Variants in PPFIA4 observed in about 807,000 individuals in gnomAD.
PPFIA4 encodes the protein liprin-alpha-4.
PPFIA4 carries 98 observed loss-of-function variants against 145.7 expected under a neutral mutation model. That is an observed-to-expected ratio of 0.67 (90% confidence interval 0.57 to 0.80). The LOEUF (loss-of-function observed/expected upper bound fraction) is 0.80, where lower values mean the gene tolerates loss of function less well. Ranked by LOEUF, PPFIA4 falls within the 30% of genes least tolerant of loss-of-function variation. PPFIA4 has a pLI of 0.00. For synonymous variants in PPFIA4, 628 were observed against 649.6 expected (o/e 0.97, Z 0.51); for missense variants, 1,457 against 1,632.7 (o/e 0.89, Z 1.85).
chr1:203,052,127 G>GAA (rs779128794), intron 14 of PPFIA4, among the ~76,000 whole-genome samples: 7 of 144,394 alleles, frequency 4.8e-5, no homozygotes, highest in Non-Finnish European at 9.1e-5. Flanking sequence ...AGGCCCCACT[G>GAA]AAGTGTGTGT....
chr1:203,041,620 G>A (rs569085765), intron 2 of PPFIA4, among the ~76,000 whole-genome samples: 2 of 152,162 alleles, frequency 1.3e-5, no homozygotes, highest in African/African-American at 4.8e-5. Context: ...TGCTTTGGGA[G>A]ATTTGTAGAC....
At position 203,068,049 on chromosome 1, in the gene PPFIA4, G is replaced by A. The variant is rs1447352053; in HGVS notation, c.3148+257G>A. 6.6e-6 allele frequency among the ~76,000 whole-genome samples: 1 copy of A among 152,198 alleles called. No homozygotes were observed. Among genetic ancestry groups the A allele is most frequent in the Non-Finnish European group, 1.5e-5 (1 of 68,048 alleles). On this transcript the variant is annotated intron_variant, in intron 26 of 29. Transcript: ENST00000295706. This position sits in a 1 kb window ranked among gnomAD's most constrained non-coding sequence, Gnocchi z 4.7. ...ACAAATGCAGTGAATCCTCTGGGAC[G>A]GTGTTATAGACTGGTGTGCCTGTGG...
Position 203,048,234 on chromosome 1 carries a change from A to C in PPFIA4, c.1148A>C (p.Glu383Ala). 1 of 1,612,778 alleles carries C rather than the reference A, an allele frequency of 6.2e-7. No individual in the cohort carries two copies. Among genetic ancestry groups the C allele is most frequent in the Non-Finnish European group, 8.5e-7 (1 of 1,179,846 alleles). ...ACCCATCCCTGCCCCTAGGCTGAAG[A>C]ACGGCATGGCAACATTGAGGAGCAC... ...QRIAALTKAE[E>A]RHGNIEEHLR... is the part of the protein sequence containing the mutation. The change falls in exon 10 of 30, where the codon GAA becomes GCA. Residue 383 changes from glutamate (E) to alanine (A), a missense_variant. By Grantham distance (107) the Glu-to-Ala change is moderately radical (BLOSUM62 -1). Around this residue, in one of 3 missense-constraint regions of PPFIA4, gnomAD observed 848 missense variants for 1,046.7 expected, o/e 0.81. Transcript: ENST00000295706. The surrounding 1 kb of genome is among the most constrained non-coding windows in gnomAD (Gnocchi z 5.8).
Position 203,075,280 on chromosome 1 carries a change from G to A in PPFIA4, c.3394-297G>A, listed in dbSNP as rs182908627. On this transcript the variant is annotated intron_variant, in intron 28 of 29. Coordinates refer to ENST00000295706, the MANE Select transcript of PPFIA4 (RefSeq NM_001304331.2). The surrounding 1 kb of genome is among the most constrained non-coding windows in gnomAD (Gnocchi z 4.1). ...GCCAAGCCTACTTTGAGAAGATTGC[G>A]GTGGGCTGGGAAACAGTTCAACTGC... Among the ~76,000 whole-genome samples, 730 of 152,134 alleles carry A rather than the reference G, an allele frequency of 4.8e-3. 6 individuals are homozygous for A. Among genetic ancestry groups the A allele is most frequent in the Non-Finnish European group, 6.4e-3 (434 of 67,986 alleles).
At chr1:203,029,366 T>G (rs1318640385) in intron 1 of PPFIA4, among the ~76,000 whole-genome samples, 1 of 152,108 alleles carries the variant, frequency 6.6e-6, no homozygotes, top group Non-Finnish European at 1.5e-5. Context: ...TCTGAGAGAG[T>G]TGGAGGAGAA....
intron 27 of PPFIA4, among the ~76,000 whole-genome samples, chr1:203,070,475 G>A (rs115469850): frequency 0.012 from 1,814 of 151,790 alleles, 29 homozygotes; most frequent in African/African-American, 0.041. Flanking sequence ...CCAATTACTC[G>A]GGAGGCTGAG....
chr1:203,059,401 C>G, intron 20 of PPFIA4, 130 bp downstream of exon 20: 1 of 812,406 alleles, frequency 1.2e-6, no homozygotes, highest in Non-Finnish European at 2.0e-6. Context: ...CTGAGTTGGT[C>G]TGGTCCATGT....
In PPFIA4 at chr1:203,048,870, G is replaced by A. The variant is rs1415713291; in HGVS notation, c.1357-48G>A. On this transcript the variant is annotated intron_variant, in intron 11 of 29. Coordinates refer to ENST00000295706, the MANE Select transcript of PPFIA4 (RefSeq NM_001304331.2). The surrounding 1 kb of genome is among the most constrained non-coding windows in gnomAD (Gnocchi z 5.8). The stretch of plus-strand genomic sequence containing the variant: ...CTGCACACCCAGAGGCTCAGGTCTG[G>A]AATGGGAGAGGAAGGCAGGGGCCTG... The A allele has an allele frequency of 3.9e-6, 6 of 1,544,016 alleles. No homozygotes were observed. The highest frequency in any genetic ancestry group is 5.2e-6 in the Non-Finnish European group (6 of 1,143,892).
Position 203,060,858 on chromosome 1 carries a change from C to A in PPFIA4, c.2785-112C>A. On this transcript the variant is annotated intron_variant, in intron 22 of 29. Transcript: ENST00000295706. This position sits in a 1 kb window ranked among gnomAD's most constrained non-coding sequence, Gnocchi z 4.8. ...CATCTCCATGATTGAGACCAGCCCC[C>A]ATTTCAGAGGACTCAGGGAGGGAGC... 1 of 915,338 alleles carries A rather than the reference C, an allele frequency of 1.1e-6. No individual in the cohort carries two copies. The highest frequency in any genetic ancestry group is 1.8e-6 in the Non-Finnish European group (1 of 564,914). 56.7% of individuals were successfully genotyped at this position (915,338 alleles called of 1,614,324 possible).
chr1:203,054,121 G>A (rs917962874), intron 15 of PPFIA4, 160 bp downstream of exon 15: 7 of 813,212 alleles, frequency 8.6e-6, no homozygotes, highest in Admixed American at 6.0e-5. Flanking sequence ...TGCCAGTGCC[G>A]GAGTGAGAGG....
In PPFIA4 at chr1:203,048,170, G is replaced by A; in HGVS notation, c.1141-57G>A. On this transcript the variant is annotated intron_variant, in intron 9 of 29. Transcript: ENST00000295706. This position sits in a 1 kb window ranked among gnomAD's most constrained non-coding sequence, Gnocchi z 5.8. ...TGGCACCAGGGTGCAGGGGATGCGG[G>A]GCCTGAGCAGGAAGAACAGAGATCT... is the stretch of plus-strand genomic sequence containing the variant. 1 of 1,557,940 alleles carries A rather than the reference G, an allele frequency of 6.4e-7. No individual in the cohort carries two copies. Among genetic ancestry groups the A allele is most frequent in the Non-Finnish European group, 8.8e-7 (1 of 1,135,356 alleles).
rs1025921935 is a variant in PPFIA4 at position 203,041,323 on chromosome 1, G to A, written c.235-2074G>A. Reference sequence around the variant, plus strand: ...TTTGTATTTGTAGGCTGGGTGCAGTGCCTCACTCCTGTAATCCCAGCACTT... The same window carrying A: ...TTTGTATTTGTAGGCTGGGTGCAGTACCTCACTCCTGTAATCCCAGCACTT... On this transcript the variant is annotated intron_variant, in intron 2 of 29. Transcript: ENST00000295706. Among the ~76,000 whole-genome samples the A allele has an allele frequency of 5.3e-5, 8 of 152,250 alleles. No individual in the cohort carries two copies. The South Asian group carries it at 1.7e-3, about 31-fold the overall frequency.
In PPFIA4 at chr1:203,068,010, C is replaced by T. The variant is rs150618220; in HGVS notation, c.3148+218C>T. On this transcript the variant is annotated intron_variant, in intron 26 of 29. Coordinates refer to ENST00000295706, the MANE Select transcript of PPFIA4 (RefSeq NM_001304331.2). The surrounding 1 kb of genome is among the most constrained non-coding windows in gnomAD (Gnocchi z 4.7). ...TCCCTCAACCCCACATACCAGATAG[C>T]AGCCACCAACTGGACAAATGCAGTG... is the stretch of plus-strand genomic sequence containing the variant. Among the ~76,000 whole-genome samples the T allele has an allele frequency of 1.6e-4, 25 of 152,304 alleles. No individual in the cohort carries two copies. In the East Asian group the frequency reaches 4.6e-3, roughly 28 times the overall value.
Position 203,077,329 on chromosome 1 carries a change from G to A in PPFIA4, c.*939G>A, listed in dbSNP as rs1332254818. On this transcript the variant is annotated 3_prime_UTR_variant, in exon 30 of 30. Transcript: ENST00000295706. ...GAACAGATCTAACCATGCATTGCTA[G>A]CTCTGCTCCCAGCATCCCTTCCCCT... is the stretch of plus-strand genomic sequence containing the variant. 1 of 152,284 alleles carries A rather than the reference G, an allele frequency of 6.6e-6. No homozygotes were observed. The highest frequency in any genetic ancestry group is 1.5e-5 in the Non-Finnish European group (1 of 68,110). 9.4% of individuals were successfully genotyped at this position (152,284 alleles called of 1,614,324 possible). A position where few individuals can be genotyped will look rare whatever the true frequency, so the allele number is the denominator to read the frequency against.
intron 1 of PPFIA4, chr1:203,034,869 G>A (rs1659115334): frequency 2.8e-6 from 1 of 354,696 alleles, no homozygotes; most frequent in East Asian, 7.6e-5. Flanking sequence ...TCTTTGGCAT[G>A]AGACAGACAA....
chr1:203,027,877 C>A (rs1012293600), intron 1 of PPFIA4, among the ~76,000 whole-genome samples: 19 of 152,148 alleles, frequency 1.2e-4, no homozygotes, highest in African/African-American at 4.6e-4. Context: ...GAACTGTGTC[C>A]ACGTGCTTTC....
chr1:203,029,771 C>T (rs1480925945), intron 1 of PPFIA4, among the ~76,000 whole-genome samples: 2 of 152,214 alleles, frequency 1.3e-5, no homozygotes, highest in Non-Finnish European at 2.9e-5. Context: ...GAAGTGAAAA[C>T]TTCCCAGTCT....
chr1:203,074,594 T>C (rs1479337965), intron 28 of PPFIA4, among the ~76,000 whole-genome samples: 1 of 152,128 alleles, frequency 6.6e-6, no homozygotes, highest in Non-Finnish European at 1.5e-5. Flanking sequence ...CAACAAACCC[T>C]AGCGGGGAAG....
In PPFIA4 at chr1:203,043,679, A is replaced by G. The variant is rs533872367; in HGVS notation, c.336+181A>G. ...GGGGTGAGAGTTACATCGTTTAACC[A>G]CCAGTGCTGGGCTCTCCACCTGTAG... On this transcript the variant is annotated intron_variant, in intron 3 of 29. Coordinates refer to ENST00000295706, the MANE Select transcript of PPFIA4 (RefSeq NM_001304331.2). This position sits in a 1 kb window ranked among gnomAD's most constrained non-coding sequence, Gnocchi z 4.4. 1.3e-5 allele frequency among the ~76,000 whole-genome samples: 2 copies of G among 152,024 alleles called. No homozygotes were observed. The highest frequency in any genetic ancestry group is 6.6e-5 in the Admixed American group (1 of 15,264).
Sources: gnomAD v4.1 joint callset for allele counts (sites outside exome capture counted in the v4.1 genomes callset) on GRCh38, gnomAD v4.1.1 for gene constraint, gnomAD v4.1.1 regional missense constraint, Gnocchi (gnomAD v3.1) non-coding constraint, MANE v1.5 for transcripts, NCBI Gene and HGNC (gene_info 2026-07-23, HGNC 2026-07-21) for gene names.